The following PCNX2 variants were observed in gnomAD, a reference collection of about 807,000 sequenced individuals.
PCNX2 encodes the protein pecanex-like protein 2.
Under a neutral mutation model 223.8 loss-of-function variants are expected in PCNX2, and 168 were observed. That is an observed-to-expected ratio of 0.75 (90% CI 0.66 to 0.85). PCNX2 has a LOEUF of 0.85. Ranked by LOEUF, PCNX2 falls within the 40% of genes least tolerant of loss-of-function variation. PCNX2 has a pLI of 0.00. For missense variants in PCNX2, 2,507 were observed against 2,675.5 expected, an observed-to-expected ratio of 0.94 and a Z score of 1.39; for synonymous variants, 1,006 against 1,052.6, an observed-to-expected ratio of 0.96 and a Z score of 0.86.
intron 17 of PCNX2, among the ~76,000 whole-genome samples, chr1:233,176,017 C>T (rs956267093): frequency 3.9e-5 from 6 of 152,236 alleles, no homozygotes; most frequent in East Asian, 1.9e-4. Context: ...ACTGTAACAC[C>T]GGGCACTGGC....
Position 233,259,238 on chromosome 1 carries a change from C to T in PCNX2, c.624G>A (p.Thr208=), listed in dbSNP as rs117316984. The change falls in exon 5 of 34, where the codon ACG becomes ACA. Residue 208 remains threonine (T), a synonymous_variant. Coordinates refer to ENST00000258229, the MANE Select transcript of PCNX2 (RefSeq NM_014801.4). ...PASQAHMLET[T]TKSVIPVKPV... ...GTTTTACAGGTATTACTGACTTGGTCGTGGTTTCCAGCATGTGTGCTTGAG... is the reference window on the plus strand; with the variant it reads ...GTTTTACAGGTATTACTGACTTGGTTGTGGTTTCCAGCATGTGTGCTTGAG... 201 of 1,613,910 alleles carry T rather than the reference C, an allele frequency of 1.2e-4. 2 individuals are homozygous for T. In the East Asian group the frequency reaches 3.8e-3, roughly 31 times the overall value.
chr1:233,143,566 C>T (rs1031260819), intron 19 of PCNX2, among the ~76,000 whole-genome samples: 3 of 152,132 alleles, frequency 2.0e-5, no homozygotes, highest in African/African-American at 7.2e-5. Flanking sequence ...GGATTGGGCC[C>T]TGGGCAAGGC....
chr1:233,202,887 C>T (rs556721529), intron 13 of PCNX2, among the ~76,000 whole-genome samples: 1 of 152,286 alleles, frequency 6.6e-6, no homozygotes, highest in South Asian at 2.1e-4. Flanking sequence ...AGCTGATGGA[C>T]ATTTCATCGT....
chr1:233,119,403 C>CAAAAAAA (rs71173251), intron 21 of PCNX2, among the ~76,000 whole-genome samples: 41 of 38,630 alleles, frequency 1.1e-3, no homozygotes, highest in South Asian at 2.8e-3. Context: ...ACTAAAAATA[C>CAAAAAAA]AAAAAAAAAA....
At chr1:233,217,298 A>G (rs972610023) in intron 12 of PCNX2, among the ~76,000 whole-genome samples, 1 of 152,228 alleles carries the variant, frequency 6.6e-6, no homozygotes, top group African/African-American at 2.4e-5. Flanking sequence ...ATGTATACAT[A>G]TATCAAAACA....
At chr1:233,143,527 T>C (rs1182172460) in intron 19 of PCNX2, among the ~76,000 whole-genome samples, 1 of 152,190 alleles carries the variant, frequency 6.6e-6, no homozygotes, top group East Asian at 1.9e-4. Context: ...TCAGATTCAA[T>C]CCTGGACCCA....
chr1:233,041,167 T>A (rs1393697248), intron 25 of PCNX2, among the ~76,000 whole-genome samples: 2 of 152,220 alleles, frequency 1.3e-5, no homozygotes, highest in Non-Finnish European at 2.9e-5. Flanking sequence ...AGTCTGCCCT[T>A]CCATGCCTAC....
At chr1:233,238,510 G>A (rs932492804) in intron 8 of PCNX2, among the ~76,000 whole-genome samples, 6 of 152,026 alleles carry the variant, frequency 3.9e-5, no homozygotes, top group Non-Finnish European at 8.8e-5. Context: ...TGGCAACACA[G>A]TGAGACCTAA....
intron 1 of PCNX2, chr1:233,289,318 T>G: frequency 9.7e-7 from 1 of 1,025,978 alleles, no homozygotes; most frequent in South Asian, 1.3e-5. Context: ...GCCATAATAT[T>G]CAGCTCCCTG....
chr1:233,128,403 T>C (rs1676227076), intron 21 of PCNX2, among the ~76,000 whole-genome samples: 1 of 152,154 alleles, frequency 6.6e-6, no homozygotes, highest in South Asian at 2.1e-4. Context: ...GGGATTATCT[T>C]GGCTCATTGT....
At chr1:233,257,331 T>C (rs1278507737) in intron 5 of PCNX2, among the ~76,000 whole-genome samples, 1 of 152,194 alleles carries the variant, frequency 6.6e-6, no homozygotes, top group Non-Finnish European at 1.5e-5. Flanking sequence ...GGTATATCCA[T>C]AACGTAAAGT....
chr1:232,999,226 G>T lies in PCNX2; in HGVS notation c.5482C>A (p.Pro1828Thr). The change falls in exon 31 of 34, where the codon CCC becomes ACC. Residue 1828 changes from proline (P) to threonine (T), a missense_variant. By Grantham distance (38) the Pro-to-Thr change is conservative (BLOSUM62 -1). This residue lies in a region of PCNX2 where 1,372 missense variants were observed against 1,509.4 expected (regional missense o/e 0.91). Coordinates refer to ENST00000258229, the MANE Select transcript of PCNX2 (RefSeq NM_014801.4). Reference sequence around the variant, plus strand: ...GTGGTTAGTGGGGAGACATACATGGGGTACCCCAGGGGCTGATCGCAGGAG... The same window carrying T: ...GTGGTTAGTGGGGAGACATACATGGTGTACCCCAGGGGCTGATCGCAGGAG... ...NSSCDQPLGY[P>T]MYVSPLTTSY... 1 of 1,613,862 alleles carries T rather than the reference G, an allele frequency of 6.2e-7. No individual in the cohort carries two copies. The highest frequency in any genetic ancestry group is 8.5e-7 in the Non-Finnish European group (1 of 1,179,860).
intron 32 of PCNX2, among the ~76,000 whole-genome samples, chr1:232,987,541 T>G (rs1571980654): frequency 6.6e-6 from 1 of 152,276 alleles, no homozygotes; most frequent in East Asian, 1.9e-4. Context: ...AGGCATTAAA[T>G]AAAGACAAAC....
At chr1:233,147,952 C>A (rs1328388613) in intron 19 of PCNX2, among the ~76,000 whole-genome samples, 1 of 152,158 alleles carries the variant, frequency 6.6e-6, no homozygotes, top group African/African-American at 2.4e-5. Context: ...GTTACAAAAC[C>A]TTTACTATTA....
chr1:233,176,195 C>G (rs1294166860), intron 17 of PCNX2, among the ~76,000 whole-genome samples: 2 of 152,188 alleles, frequency 1.3e-5, no homozygotes, highest in Non-Finnish European at 2.9e-5. Context: ...AATTAATGAG[C>G]ATTGTGTTTC....
Position 233,135,033 on chromosome 1 carries a change from C to T in PCNX2, c.3817G>A (p.Val1273Met), listed in dbSNP as rs764600803. 2.4e-5 allele frequency: 39 copies of T among 1,608,910 alleles called. No individual in the cohort carries two copies. Among genetic ancestry groups the T allele is most frequent in the Non-Finnish European group, 3.1e-5 (36 of 1,175,472 alleles). ...CTTGCCTTGCTAAATAAAATGGACA[C>T]CATGAAGAAATCCAGTAAGAAGCTC... ...SESFLLDFFM[V>M]SILFSKLGDL... Residue 1273 changes from valine (V) to methionine (M), a missense_variant, in exon 21 of 34, where the codon GTG (valine) becomes ATG (methionine). Physicochemically the swap from Val to Met is conservative, Grantham distance 21. Transcript: ENST00000258229.
intron 1 of PCNX2, among the ~76,000 whole-genome samples, chr1:233,266,385 C>G (rs903967635): frequency 1.3e-5 from 2 of 152,108 alleles, no homozygotes; most frequent in Non-Finnish European, 2.9e-5. Flanking sequence ...CTTCAGTAGA[C>G]CCTCCAAATT....
chr1:233,030,638 A>C (rs928361924), intron 25 of PCNX2, among the ~76,000 whole-genome samples: 1 of 152,206 alleles, frequency 6.6e-6, no homozygotes, highest in Non-Finnish European at 1.5e-5. Flanking sequence ...GAAGGTCCAG[A>C]GTAGTCCATA....
chr1:233,274,083 C>T (rs1461590260), intron 1 of PCNX2, among the ~76,000 whole-genome samples: 1 of 152,166 alleles, frequency 6.6e-6, no homozygotes, highest in Admixed American at 6.5e-5. Flanking sequence ...TGTCAATGCC[C>T]CTTGGGGGGA....
Sources: gnomAD v4.1 joint callset for allele counts (sites outside exome capture counted in the v4.1 genomes callset) on GRCh38, gnomAD v4.1.1 for gene constraint, gnomAD v4.1.1 regional missense constraint, MANE v1.5 for transcripts, NCBI Gene and HGNC (gene_info 2026-07-23, HGNC 2026-07-21) for gene names.